The following ELMO1 variants were observed in gnomAD, a reference collection of about 807,000 sequenced individuals.
ELMO1 encodes engulfment and cell motility protein 1.
A neutral mutation model predicts 98.9 loss-of-function variants in ELMO1; 26 were observed. The observed-to-expected ratio is 0.26, with a 90% CI of 0.19 to 0.36. The LOEUF is 0.36. Among genes scored for constraint, ELMO1 ranks in the 10% least tolerant of loss-of-function variants. The pLI is 1.00. For missense variants in ELMO1, 627 were observed against 935.2 expected (o/e 0.67, Z 4.30); for synonymous variants, 346 against 346.0 (o/e 1.00, Z 0.00).
chr7:36,972,004 TG>T (rs1790002938), intron 16 of ELMO1, among the ~76,000 whole-genome samples: 1 of 152,198 alleles, frequency 6.6e-6, no homozygotes. Flanking sequence ...GTGTGATTCA[TG>T]GGTCTGGGGT....
chr7:37,105,500 T>C (rs540794769), intron 14 of ELMO1, among the ~76,000 whole-genome samples: 1 of 152,354 alleles, frequency 6.6e-6, no homozygotes, highest in East Asian at 1.9e-4. Context: ...CTTGAGCTTC[T>C]ATTAGAATCC....
intron 4 of ELMO1, among the ~76,000 whole-genome samples, chr7:37,311,695 G>A (rs1798899269): frequency 6.6e-6 from 1 of 152,180 alleles, no homozygotes; most frequent in South Asian, 2.1e-4. Context: ...CACACCCACA[G>A]CTGTGCCCAG....
intron 13 of ELMO1, among the ~76,000 whole-genome samples, chr7:37,176,314 T>G (rs966531399): frequency 6.6e-6 from 1 of 152,184 alleles, no homozygotes; most frequent in Admixed American, 6.5e-5. Context: ...CTCCTCCCTA[T>G]GCATTGACAA....
intron 1 of ELMO1, among the ~76,000 whole-genome samples, chr7:37,436,648 G>A (rs899246720): frequency 6.6e-6 from 1 of 152,202 alleles, no homozygotes; most frequent in Admixed American, 6.5e-5. Flanking sequence ...ACTGCTTAAT[G>A]AGCTGGTGTG....
intron 10 of ELMO1, among the ~76,000 whole-genome samples, chr7:37,216,986 C>T (rs1456649315): frequency 6.6e-6 from 1 of 152,174 alleles, no homozygotes; most frequent in African/African-American, 2.4e-5. Flanking sequence ...AAAAATCAGG[C>T]ACTCCAAACA....
At position 37,042,311 on chromosome 7, in the gene ELMO1, T is replaced by C. The variant is rs549816571; in HGVS notation, c.1301-28876A>G. ...TTTTACATTTCACTGTAAAGGAATATTCAGAGCCATGGTTTTTTTTTAAAC... is the reference window on the plus strand; with the variant it reads ...TTTTACATTTCACTGTAAAGGAATACTCAGAGCCATGGTTTTTTTTTAAAC... On this transcript the variant is annotated intron_variant, in intron 15 of 21. Transcript: ENST00000310758. Among the ~76,000 whole-genome samples the C allele has an allele frequency of 1.9e-3, 285 of 152,280 alleles. 3 individuals are homozygous for C. The highest frequency in any genetic ancestry group is 1.1e-3 in the Non-Finnish European group (74 of 68,014).
intron 14 of ELMO1, among the ~76,000 whole-genome samples, chr7:37,104,973 T>C (rs879578881): frequency 3.3e-5 from 5 of 152,010 alleles, no homozygotes; most frequent in African/African-American, 4.8e-5. Flanking sequence ...AATTAGGCAA[T>C]TGCACATACA....
intron 1 of ELMO1, among the ~76,000 whole-genome samples, chr7:37,344,032 C>CTTT (rs759843000): frequency 7.0e-5 from 5 of 71,500 alleles, no homozygotes; most frequent in Admixed American, 1.2e-4. Context: ...TAAAAGGCAG[C>CTTT]ATTTTTTTTT....
chr7:37,093,772 A>G (rs1415954925), intron 15 of ELMO1, among the ~76,000 whole-genome samples: 1 of 152,254 alleles, frequency 6.6e-6, no homozygotes, highest in Non-Finnish European at 1.5e-5. Flanking sequence ...TGAGCAGAAA[A>G]CAACTCATCT....
At chr7:37,140,861 T>A (rs1787589205) in intron 13 of ELMO1, among the ~76,000 whole-genome samples, 1 of 152,136 alleles carries the variant, frequency 6.6e-6, no homozygotes, top group African/African-American at 2.4e-5. Context: ...AGAATGGCTA[T>A]AATCAAGAAA....
At chr7:37,438,433 A>G (rs925254310) in intron 1 of ELMO1, among the ~76,000 whole-genome samples, 1 of 33,264 alleles carries the variant, frequency 3.0e-5, no homozygotes, top group African/African-American at 1.3e-4. Context: ...TAAAAATACA[A>G]AAAAAAAAAA....
At chr7:37,320,510 T>C (rs1799427182) in intron 2 of ELMO1, among the ~76,000 whole-genome samples, 1 of 152,314 alleles carries the variant, frequency 6.6e-6, no homozygotes, top group Middle Eastern at 3.4e-3. Flanking sequence ...AACAAGGGAC[T>C]CTTACTTACC....
At chr7:36,911,781 C>T (rs968325274) in intron 16 of ELMO1, among the ~76,000 whole-genome samples, 1 of 152,118 alleles carries the variant, frequency 6.6e-6, no homozygotes, top group Admixed American at 6.5e-5. Flanking sequence ...CTCAAGAGCC[C>T]ACCTCCCTTG....
chr7:37,336,050 A>T (rs1209825947), intron 2 of ELMO1, among the ~76,000 whole-genome samples: 1 of 151,972 alleles, frequency 6.6e-6, no homozygotes, highest in Non-Finnish European at 1.5e-5. Context: ...AACATGGCAA[A>T]ACCCCATCAC....
chr7:37,154,728 G>A (rs1294836994), intron 13 of ELMO1, among the ~76,000 whole-genome samples: 1 of 152,146 alleles, frequency 6.6e-6, no homozygotes, highest in Middle Eastern at 3.2e-3. Flanking sequence ...AACCAAGTTG[G>A]AAAACACTCT....
intron 4 of ELMO1, among the ~76,000 whole-genome samples, chr7:37,291,462 G>A (rs1797675081): frequency 6.6e-6 from 1 of 152,144 alleles, no homozygotes; most frequent in Non-Finnish European, 1.5e-5. Context: ...AAGAATTTGT[G>A]TCCACAACAT....
At chr7:36,875,271 T>TA (rs1264655807) in intron 19 of ELMO1, among the ~76,000 whole-genome samples, 1 of 151,970 alleles carries the variant, frequency 6.6e-6, no homozygotes, top group Admixed American at 6.5e-5. Flanking sequence ...CCGGGCTTTT[T>TA]TTTTGTCTCA....
chr7:37,166,072 T>C (rs938900423), intron 13 of ELMO1, among the ~76,000 whole-genome samples: 2 of 152,146 alleles, frequency 1.3e-5, no homozygotes, highest in Non-Finnish European at 2.9e-5. Context: ...CTTGGGAGAG[T>C]GTATGTGTCG....
chr7:37,090,796 T>C lies in ELMO1; in HGVS notation c.1300+5823A>G, dbSNP rs565517787. 8.5e-5 allele frequency among the ~76,000 whole-genome samples: 13 copies of C among 152,296 alleles called. No individual in the cohort carries two copies. The South Asian group carries it at 1.0e-3, about 12-fold the overall frequency. ...CCCAGAGATATGAATGTGACTCAAA[T>C]GTAATGTTACAAATGGAAAAATGTT... On this transcript the variant is annotated intron_variant, in intron 15 of 21. Transcript: ENST00000310758.
Sources: gnomAD v4.1 joint callset for allele counts (sites outside exome capture counted in the v4.1 genomes callset) on GRCh38, gnomAD v4.1.1 for gene constraint, MANE v1.5 for transcripts, NCBI Gene and HGNC (gene_info 2026-07-23, HGNC 2026-07-21) for gene names.